The following KIF15 variants were observed in gnomAD, a reference collection of about 807,000 sequenced individuals.
The protein encoded by KIF15 is kinesin family member 15, also known as kinesin-like protein KIF15.
KIF15 carries 140 observed loss-of-function variants against 190.6 expected under a neutral mutation model. That is an observed-to-expected ratio of 0.73 (90% CI 0.64 to 0.84). KIF15 has a LOEUF of 0.84. KIF15 is among the 40% of genes least tolerant of loss of function. The pLI is 0.00. For missense variants in KIF15, 1,372 were observed against 1,584.4 expected (o/e 0.87, Z 2.28); for synonymous variants, 528 against 551.3 (o/e 0.96, Z 0.59).
intron 1 of KIF15, among the ~76,000 whole-genome samples, chr3:44,769,205 G>C (rs1475816927): frequency 3.3e-5 from 5 of 151,964 alleles, no homozygotes; most frequent in Non-Finnish European, 7.4e-5. Context: ...AGGGGAAAAG[G>C]AAAAAAGAAG....
rs1706861245 is a variant in KIF15, at chr3:44,794,257, C to T, written c.680C>T (p.Thr227Ile). The change falls in exon 8 of 35, where the codon ACA becomes ATA. Residue 227 changes from threonine (T) to isoleucine (I), a missense_variant. Coordinates refer to ENST00000326047, the MANE Select transcript of KIF15 (RefSeq NM_020242.3). ...GGWRNRRVAS[T>I]SMNRESSRSH... Reference sequence around the variant, plus strand: ...TGGAGGAATAGACGTGTGGCATCAACATCAATGAACAGAGAATCGTCTAGG... The same window carrying T: ...TGGAGGAATAGACGTGTGGCATCAATATCAATGAACAGAGAATCGTCTAGG... 6.2e-7 allele frequency: 1 copy of T among 1,613,870 alleles called. No individual in the cohort carries two copies. The highest frequency in any genetic ancestry group is 8.5e-7 in the Non-Finnish European group (1 of 1,179,934).
intron 8 of KIF15, among the ~76,000 whole-genome samples, chr3:44,796,736 T>TC (rs1277759802): frequency 6.6e-6 from 1 of 152,200 alleles, no homozygotes; most frequent in East Asian, 1.9e-4. Context: ...GCTCATTTTT[T>TC]CCCCCCACCA....
At chr3:44,813,440 C>T (rs778469129) in intron 19 of KIF15, among the ~76,000 whole-genome samples, 5 of 152,154 alleles carry the variant, frequency 3.3e-5, no homozygotes, top group Non-Finnish European at 5.9e-5. Flanking sequence ...GTTTTTGACA[C>T]AGACTCTCGC....
intron 6 of KIF15, 62 bp from the exon 7 acceptor site, chr3:44,786,333 T>A: frequency 7.3e-7 from 1 of 1,369,556 alleles, no homozygotes; most frequent in Non-Finnish European, 9.9e-7. Context: ...AAATTAATGC[T>A]CATGAAAACT....
At chr3:44,772,488 C>A (rs530741423) in intron 1 of KIF15, among the ~76,000 whole-genome samples, 1 of 152,226 alleles carries the variant, frequency 6.6e-6, no homozygotes, top group East Asian at 1.9e-4. Flanking sequence ...GAGAAAAAAA[C>A]CTTTACCCAG....
intron 25 of KIF15, 35 bp downstream of exon 25, chr3:44,830,110 G>A (rs374268904): frequency 4.9e-4 from 570 of 1,165,980 alleles, no homozygotes; most frequent in Non-Finnish European, 6.4e-4. Flanking sequence ...TTAAATTTGA[G>A]CATGGGACAC....
At chr3:44,806,186 ATTC>A (rs1381352343) in intron 16 of KIF15, among the ~76,000 whole-genome samples, 200 bp downstream of exon 16, 4 of 152,210 alleles carry the variant, frequency 2.6e-5, no homozygotes, top group Non-Finnish European at 5.9e-5. Context: ...GTAGGAAAGA[ATTC>A]AGCATTTGCA....
chr3:44,797,954 A>G lies in KIF15; in HGVS notation c.1096A>G (p.Lys366Glu). ...FAQRAKLIKN[K>E]AVVNEDTQGN... ...TCAAAGAGCCAAGCTGATTAAAAAC[A>G]AGGTAAAATACTGGCGTATACTTCA... Residue 366 changes from lysine (K) to glutamate (E), a missense_variant and splice_region_variant, in exon 10 of 35, where the codon AAG becomes GAG. Coordinates refer to ENST00000326047, the MANE Select transcript of KIF15 (RefSeq NM_020242.3). The G allele has an allele frequency of 1.9e-6, 3 of 1,610,712 alleles. No homozygotes were observed. Among genetic ancestry groups the G allele is most frequent in the Non-Finnish European group, 2.5e-6 (3 of 1,179,046 alleles).
chr3:44,864,276 G>T (rs1699296498), intron 6 of KIF15: 1 of 1,614,082 alleles, frequency 6.2e-7, no homozygotes, highest in Admixed American at 1.7e-5. Context: ...TTTAGCCGGG[G>T]CCTCAGTTTC....
Position 44,761,814 on chromosome 3 carries a change from G to A in KIF15, c.-52G>A, listed in dbSNP as rs1203717595. ...AATTCAGTCGCGCGCGGTGCAGTCGGGAGGTGGAGGCACCGGCTGCATTGT... is the reference window on the plus strand; with the variant it reads ...AATTCAGTCGCGCGCGGTGCAGTCGAGAGGTGGAGGCACCGGCTGCATTGT... On this transcript the variant is annotated 5_prime_UTR_variant, in exon 1 of 35. Transcript: ENST00000326047. 9 of 1,613,796 alleles carry A rather than the reference G, an allele frequency of 5.6e-6. No homozygotes were observed. The highest frequency in any genetic ancestry group is 1.6e-4 in the Middle Eastern group (1 of 6,062).
intron 29 of KIF15, among the ~76,000 whole-genome samples, 155 bp from the exon 30 acceptor site, chr3:44,842,970 G>T (rs573233542): frequency 1.3e-5 from 2 of 152,116 alleles, no homozygotes; most frequent in South Asian, 2.1e-4. Flanking sequence ...GCCTCCAATA[G>T]CTTGTCACAG....
At chr3:44,769,391 C>T (rs965653027) in intron 1 of KIF15, among the ~76,000 whole-genome samples, 2 of 152,112 alleles carry the variant, frequency 1.3e-5, no homozygotes, top group Non-Finnish European at 2.9e-5. Flanking sequence ...CTTTTCATTT[C>T]TTCTGTCCTT....
chr3:44,778,460 A>G (rs766023624), intron 4 of KIF15, among the ~76,000 whole-genome samples: 2 of 152,164 alleles, frequency 1.3e-5, no homozygotes, highest in Non-Finnish European at 2.9e-5. Context: ...TACTTAGCTT[A>G]CAGCCCTGTT....
Position 44,826,359 on chromosome 3 carries a change from T to G in KIF15, c.2701-16T>G, listed in dbSNP as rs187353244. 3.7e-6 allele frequency: 6 copies of G among 1,606,934 alleles called. No homozygotes were observed. Among genetic ancestry groups the G allele is most frequent in the African/African-American group, 1.3e-5 (1 of 74,650 alleles). On this transcript the variant is annotated splice_polypyrimidine_tract_variant and intron_variant, in intron 21 of 34. Coordinates refer to ENST00000326047, the MANE Select transcript of KIF15 (RefSeq NM_020242.3). The stretch of plus-strand genomic sequence containing the variant: ...TTGCTAGTAACAGTTACTTAAAATC[T>G]AATGTTGTCTTTTAGAATTTGATGG...
chr3:44,801,418 TC>T (rs1477896535), intron 11 of KIF15, 31 bp from the exon 12 acceptor site: 1 of 1,309,804 alleles, frequency 7.6e-7, no homozygotes, highest in Non-Finnish European at 1.1e-6. Context: ...ATATTTTTTT[TC>T]ATCTTCCCTT....
intron 27 of KIF15, among the ~76,000 whole-genome samples, chr3:44,838,777 G>A (rs1698450534): frequency 1.3e-5 from 2 of 151,276 alleles, no homozygotes; most frequent in African/African-American, 4.9e-5. Context: ...ATGGGGGACA[G>A]GAGGAATCCA....
At chr3:44,783,982 C>G (rs1452747163) in intron 5 of KIF15, among the ~76,000 whole-genome samples, 3 of 152,122 alleles carry the variant, frequency 2.0e-5, no homozygotes, top group African/African-American at 4.8e-5. Context: ...CCCAGTGTAA[C>G]AAAATAGAGA....
At chr3:44,824,101 G>T (rs114660303) in intron 20 of KIF15, among the ~76,000 whole-genome samples, 2 of 152,150 alleles carry the variant, frequency 1.3e-5, no homozygotes, top group Non-Finnish European at 2.9e-5. Flanking sequence ...CATCGATCCC[G>T]CTGGGAGCTG....
intron 20 of KIF15, among the ~76,000 whole-genome samples, chr3:44,822,181 C>T (rs1312966415): frequency 6.6e-6 from 1 of 152,162 alleles, no homozygotes; most frequent in African/African-American, 2.4e-5. Context: ...TCTTTAGGAG[C>T]TCTTGTAAGT....
Sources: allele counts gnomAD v4.1 joint callset (sites outside exome capture counted in the v4.1 genomes callset), GRCh38; gene constraint gnomAD v4.1.1; transcripts MANE v1.5; gene names NCBI Gene and HGNC (gene_info 2026-07-23, HGNC 2026-07-21).